Variants in CCDC15 observed in about 807,000 individuals in gnomAD.
The protein encoded by CCDC15 is coiled-coil domain containing 15, also known as coiled-coil domain-containing protein 15.
In CCDC15, 105 loss-of-function variants were observed where a neutral mutation model predicts 114.5. The ratio of observed to expected loss-of-function variants is 0.92; its 90% CI spans 0.78 to 1.08. The LOEUF is 1.08. Ranked by LOEUF, CCDC15 falls within the 50% of genes least tolerant of loss-of-function variation. The pLI is 0.00. For missense variants in CCDC15, 1,105 were observed against 1,093.6 expected, an observed-to-expected ratio of 1.01 and a Z score of -0.15; for synonymous variants, 334 against 377.8, an observed-to-expected ratio of 0.88 and a Z score of 1.34.
At chr11:124,993,979 A>G (rs887036528) in intron 11 of CCDC15, among the ~76,000 whole-genome samples, 1 of 152,218 alleles carries the variant, frequency 6.6e-6, no homozygotes, top group African/African-American at 2.4e-5. Context: ...TCGCAGGTAG[A>G]GTTAAGATCC....
intron 13 of CCDC15, among the ~76,000 whole-genome samples, chr11:125,035,000 C>T (rs1291938623): frequency 6.6e-6 from 1 of 152,064 alleles, no homozygotes; most frequent in African/African-American, 2.4e-5. Context: ...AGGCCATTTG[C>T]AAGCTGAGGA....
In CCDC15 at chr11:124,987,346, G is replaced by T. The variant is rs1404278570; in HGVS notation, c.1120G>T (p.Gly374Cys). 6.2e-7 allele frequency: 1 copy of T among 1,613,460 alleles called. No individual in the cohort carries two copies. Among genetic ancestry groups the T allele is most frequent in the Non-Finnish European group, 8.5e-7 (1 of 1,179,532 alleles). ...EMKVQVTEPE[G>C]QAIEPEGQPI... ...GAAGGTTCAGGTTACTGAGCCAGAA[G>T]GCCAGGCCATTGAGCCAGAAGGCCA... The change falls in exon 8 of 16, where the codon GGC (glycine) becomes TGC (cysteine). Residue 374 changes from glycine (G) to cysteine (C), a missense_variant. Gly to Cys is a radical substitution (Grantham distance 159). Coordinates refer to ENST00000344762, the MANE Select transcript of CCDC15 (RefSeq NM_025004.3).
chr11:125,025,039 CATATGAATAT>C (rs1259998527), intron 13 of CCDC15, among the ~76,000 whole-genome samples: 5 of 27,486 alleles, frequency 1.8e-4, no homozygotes, highest in Admixed American at 3.4e-4. Context: ...TATATGAATA[CATATGAATAT>C]ATATGAATAT....
At chr11:124,965,102 C>CT (rs1242773218) in intron 4 of CCDC15, among the ~76,000 whole-genome samples, 14 of 152,126 alleles carry the variant, frequency 9.2e-5, no homozygotes, top group Non-Finnish European at 1.3e-4. Context: ...CTAAAATTCT[C>CT]TTTTTTTGTT....
chr11:124,979,699 A>G (rs1027555280), intron 6 of CCDC15, among the ~76,000 whole-genome samples: 2 of 152,220 alleles, frequency 1.3e-5, no homozygotes, highest in African/African-American at 4.8e-5. Flanking sequence ...GTATAGAATC[A>G]TATCTTCTGC....
intron 13 of CCDC15, among the ~76,000 whole-genome samples, chr11:125,012,868 T>C (rs1285753918): frequency 6.6e-6 from 1 of 152,138 alleles, no homozygotes; most frequent in African/African-American, 2.4e-5. Context: ...TATGACAGGA[T>C]AGTACATATT....
At chr11:125,024,467 A>C (rs2135537576) in intron 13 of CCDC15, among the ~76,000 whole-genome samples, 1 of 151,934 alleles carries the variant, frequency 6.6e-6, no homozygotes, top group African/African-American at 2.4e-5. Context: ...ATTTATATAG[A>C]CCTTCTTTAA....
chr11:124,988,273 A>C lies in CCDC15; in HGVS notation c.1908+139A>C, dbSNP rs543005298. 2.2e-4 allele frequency: 204 copies of C among 911,170 alleles called. 2 individuals are homozygous for C. In the East Asian group the frequency reaches 5.0e-3, roughly 22 times the overall value. 56.4% of individuals were successfully genotyped at this position (911,170 alleles called of 1,614,324 possible). On this transcript the variant is annotated intron_variant, in intron 8 of 15. Transcript: ENST00000344762. ...GCCATTGCAATAAAGCAAATATTGG[A>C]ATAAAGTAAGTCACACAAATTTCTT... is the stretch of plus-strand genomic sequence containing the variant.
At chr11:124,963,320 T>C (rs1947708511) in intron 4 of CCDC15, among the ~76,000 whole-genome samples, 1 of 152,228 alleles carries the variant, frequency 6.6e-6, no homozygotes, top group Non-Finnish European at 1.5e-5. Context: ...CCTGACTTTT[T>C]AATGATTGCC....
chr11:125,009,374 AAC>A (rs1948574392), intron 13 of CCDC15, among the ~76,000 whole-genome samples: 2 of 152,200 alleles, frequency 1.3e-5, no homozygotes, highest in South Asian at 4.2e-4. Context: ...ATAAAGCAAT[AAC>A]ACTTTTATTT....
At chr11:124,995,767 C>G (rs1948356139) in intron 11 of CCDC15, among the ~76,000 whole-genome samples, 1 of 152,010 alleles carries the variant, frequency 6.6e-6, no homozygotes, top group Non-Finnish European at 1.5e-5. Flanking sequence ...CTTTGGTGAT[C>G]TGAATCTCTT....
intron 4 of CCDC15, among the ~76,000 whole-genome samples, chr11:124,973,422 C>G (rs1565359622): frequency 1.3e-5 from 2 of 151,514 alleles, no homozygotes; most frequent in Non-Finnish European, 2.9e-5. Flanking sequence ...ATCTTGATTC[C>G]CTTTGGCCAC....
intron 5 of CCDC15, 46 bp downstream of exon 5, chr11:124,975,255 A>G (rs552654146): frequency 8.7e-5 from 100 of 1,151,466 alleles, no homozygotes; most frequent in Non-Finnish European, 8.6e-6. Context: ...CAGGTAAAAA[A>G]TACAGATAAA....
Position 125,011,245 on chromosome 11 carries a change from A to ATTTTTTTTT in CCDC15, c.2411+6035_2411+6036insTTTTTTTTT, listed in dbSNP as rs774447198. Among the ~76,000 whole-genome samples the ATTTTTTTTT allele has an allele frequency of 4.4e-3, 642 of 146,446 alleles. 7 individuals carry two copies. Among genetic ancestry groups the ATTTTTTTTT allele is most frequent in the Middle Eastern group, 0.018 (5 of 276 alleles). On this transcript the variant is annotated intron_variant, in intron 13 of 15. Coordinates refer to ENST00000344762, the MANE Select transcript of CCDC15 (RefSeq NM_025004.3). ...TATTATTATTATTATTATTATTATT[A>ATTTTTTTTT]TTATTTTTTAAGATGGAGTTTCACT...
At chr11:125,000,236 G>A (rs1398414060) in intron 11 of CCDC15, among the ~76,000 whole-genome samples, 2 of 152,012 alleles carry the variant, frequency 1.3e-5, no homozygotes, top group South Asian at 2.1e-4. Flanking sequence ...TCTTTTATTT[G>A]TTTGTTTGTT....
intron 4 of CCDC15, among the ~76,000 whole-genome samples, chr11:124,961,947 C>T (rs1947667651): frequency 1.3e-5 from 2 of 151,832 alleles, no homozygotes; most frequent in Admixed American, 6.6e-5. Context: ...TGGAGAATAA[C>T]CAAAAATGGG....
chr11:125,031,296 T>A (rs1948737490), intron 13 of CCDC15, among the ~76,000 whole-genome samples: 1 of 152,168 alleles, frequency 6.6e-6, no homozygotes. Context: ...CCTCTGCCAG[T>A]TGATCACAGG....
chr11:124,995,274 C>T (rs1398114819), intron 11 of CCDC15, among the ~76,000 whole-genome samples: 1 of 152,244 alleles, frequency 6.6e-6, no homozygotes, highest in East Asian at 1.9e-4. Flanking sequence ...ACCACCTTAT[C>T]AAAAATAGAT....
intron 4 of CCDC15, among the ~76,000 whole-genome samples, chr11:124,962,647 TC>T (rs779854723): frequency 4.4e-5 from 4 of 90,820 alleles, no homozygotes; most frequent in South Asian, 6.6e-4. Context: ...GGAATTCAGT[TC>T]TTTTTTTTTT....
Sources: allele counts gnomAD v4.1 joint callset (sites outside exome capture counted in the v4.1 genomes callset), GRCh38; gene constraint gnomAD v4.1.1; transcripts MANE v1.5; gene names NCBI Gene and HGNC (gene_info 2026-07-23, HGNC 2026-07-21).